The following CARD14 variants were observed in gnomAD, a reference collection of about 807,000 sequenced individuals.
CARD14 encodes caspase recruitment domain-containing protein 14.
Under a neutral mutation model 111.5 loss-of-function variants are expected in CARD14, and 107 were observed. The ratio of observed to expected loss-of-function variants is 0.96; its 90% CI spans 0.82 to 1.13. The LOEUF is 1.13. CARD14 is among the 50% of genes most tolerant of loss of function. The probability of loss-of-function intolerance (pLI) is 0.00; values close to 1 mark genes in which losing one functional copy is unlikely to be tolerated. For synonymous variants in CARD14, 617 were observed against 579.6 expected (o/e 1.06, Z -0.93); for missense variants, 1,322 against 1,362.3 (o/e 0.97, Z 0.47).
chr17:80,183,441 T>C (rs1271775326), intron 6 of CARD14, among the ~76,000 whole-genome samples: 1 of 152,216 alleles, frequency 6.6e-6, no homozygotes, highest in East Asian at 1.9e-4. Flanking sequence ...TATCTTTTTC[T>C]CAGGATAACG....
chr17:80,198,644 C>T lies in CARD14; in HGVS notation c.1851+53C>T. ...CCCGGGCTCCTCATGGGGACAGTGG[C>T]AGCGGGTGGGGTGACCCAGGCAGAC... is the stretch of plus-strand genomic sequence containing the variant. On this transcript the variant is annotated intron_variant, in intron 16 of 23. Coordinates refer to ENST00000648509, the MANE Select transcript of CARD14 (RefSeq NM_001366385.1). This position sits in a 1 kb window ranked among gnomAD's most constrained non-coding sequence, Gnocchi z 7.5. 3 of 1,609,274 alleles carry T rather than the reference C, an allele frequency of 1.9e-6. No homozygotes were observed. In the Middle Eastern group the frequency reaches 5.0e-4, roughly 266 times the overall value.
At chr17:80,174,316 G>C (rs919372280) in intron 2 of CARD14, among the ~76,000 whole-genome samples, 1 of 152,144 alleles carries the variant, frequency 6.6e-6, no homozygotes, top group Non-Finnish European at 1.5e-5. Context: ...GGGTTTAAGC[G>C]ATTCTCCTGC....
chr17:80,197,702 T>C (rs1054268276), intron 14 of CARD14, among the ~76,000 whole-genome samples: 1 of 152,226 alleles, frequency 6.6e-6, no homozygotes, highest in African/African-American at 2.4e-5. Flanking sequence ...AGATATTTTT[T>C]CAAGTGAAGC....
intron 10 of CARD14, 107 bp downstream of exon 10, chr17:80,191,006 C>A: frequency 6.8e-7 from 1 of 1,463,766 alleles, no homozygotes; most frequent in Non-Finnish European, 9.2e-7. Flanking sequence ...GCAGCTGGTC[C>A]CAGATTTCAG....
Position 80,205,132 on chromosome 17 carries a change from C to A in CARD14, c.2496C>A (p.Leu832=). ...HRPARPRPVL[L]VPRAVGKILS... is the part of the protein sequence containing the mutation. ...CCGCCCGGCCCCGGCCTGTGCTCCTCGTGCCCAGGGCGGTTGGGAAGATCC... is the reference window on the plus strand; with the variant it reads ...CCGCCCGGCCCCGGCCTGTGCTCCTAGTGCCCAGGGCGGTTGGGAAGATCC... The change falls in exon 21 of 24, where the codon CTC becomes CTA. Residue 832 remains leucine (L), a synonymous_variant. Coordinates refer to ENST00000648509, the MANE Select transcript of CARD14 (RefSeq NM_001366385.1). The A allele has an allele frequency of 6.2e-7, 1 of 1,613,758 alleles. No homozygotes were observed. The highest frequency in any genetic ancestry group is 2.2e-5 in the East Asian group (1 of 44,874).
Position 80,189,948 on chromosome 17 carries a change from C to T in CARD14, c.963+76C>T. On this transcript the variant is annotated intron_variant, in intron 9 of 23. Coordinates refer to ENST00000648509, the MANE Select transcript of CARD14 (RefSeq NM_001366385.1). This position sits in a 1 kb window ranked among gnomAD's most constrained non-coding sequence, Gnocchi z 4.7. ...GGGTGCGGACAGGTCTGTGGGGAAG[C>T]CAGATTCCTTCATCCACGCCGAGCT... The T allele has an allele frequency of 6.6e-7, 1 of 1,514,134 alleles. No homozygotes were observed. The highest frequency in any genetic ancestry group is 2.5e-5 in the Admixed American group (1 of 39,228). 93.8% of individuals were successfully genotyped at this position (1,514,134 alleles called of 1,614,324 possible).
intron 7 of CARD14, 116 bp downstream of exon 7, chr17:80,184,354 C>A: frequency 1.1e-6 from 1 of 936,790 alleles, no homozygotes; most frequent in Non-Finnish European, 1.5e-6. Flanking sequence ...TAACACTTCC[C>A]TGCCCCGAGA....
At chr17:80,192,468 C>A (rs748097162) in intron 11 of CARD14, 35 bp from the exon 12 acceptor site, 1 of 1,566,668 alleles carries the variant, frequency 6.4e-7, no homozygotes, top group African/African-American at 1.4e-5. Flanking sequence ...GAACCTTTCC[C>A]GAATTAACCA....
At position 80,181,453 on chromosome 17, in the gene CARD14, C is replaced by T. The variant is rs1238447394; in HGVS notation, c.15C>T (p.Cys5=). Residue 5 remains cysteine (C), a synonymous_variant, in exon 5 of 24, where the codon TGC becomes TGT. Coordinates refer to ENST00000648509, the MANE Select transcript of CARD14 (RefSeq NM_001366385.1). Reference sequence around the variant, plus strand: ...AGCGCCCAGCCATGGGGGAACTGTGCCGCAGGGACTCCGCACTCACGGCAC... The same window carrying T: ...AGCGCCCAGCCATGGGGGAACTGTGTCGCAGGGACTCCGCACTCACGGCAC... MGEL[C]RRDSALTALD... 4 of 1,572,256 alleles carry T rather than the reference C, an allele frequency of 2.5e-6. No individual in the cohort carries two copies. The highest frequency in any genetic ancestry group is 2.6e-6 in the Non-Finnish European group (3 of 1,158,898).
At chr17:80,185,518 A>G (rs558246519) in intron 7 of CARD14, among the ~76,000 whole-genome samples, 3 of 152,198 alleles carry the variant, frequency 2.0e-5, no homozygotes, top group South Asian at 2.1e-4. Context: ...GTGGCCCTTT[A>G]TGTCTACTTC....
Position 80,208,277 on chromosome 17 carries a change from A to G in CARD14, c.2947A>G (p.Ser983Gly), listed in dbSNP as rs2041462765. Reference sequence around the variant, plus strand: ...CTGGAGCGACCTGGACGGCCTGCTCAGCTGTGTCCGCCAGGCCATCGCCGA... The same window carrying G: ...CTGGAGCGACCTGGACGGCCTGCTCGGCTGTGTCCGCCAGGCCATCGCCGA... ...DGWSDLDGLL[S>G]CVRQAIADEQ... The change falls in exon 24 of 24, where the codon AGC (serine) becomes GGC (glycine). Residue 983 changes from serine to glycine, a missense_variant. Coordinates refer to ENST00000648509, the MANE Select transcript of CARD14 (RefSeq NM_001366385.1). The G allele has an allele frequency of 6.3e-7, 1 of 1,598,856 alleles. No homozygotes were observed. The highest frequency in any genetic ancestry group is 1.3e-5 in the African/African-American group (1 of 75,002).
chr17:80,198,488 T>C lies in CARD14; in HGVS notation c.1748T>C (p.Ile583Thr). The part of the protein sequence containing the change: ...AFQGDALLEQ[I>T]SVIGGNLTGI... ...CAGGGGGATGCATTGCTGGAGCAGA[T>C]CAGCGTCATCGGCGGGAACCTCACG... Residue 583 changes from isoleucine (I) to threonine (T), a missense_variant, in exon 16 of 24, where the codon ATC (isoleucine) becomes ACC (threonine). Transcript: ENST00000648509. The surrounding 1 kb of genome is among the most constrained non-coding windows in gnomAD (Gnocchi z 7.5). 6.2e-7 allele frequency: 1 copy of C among 1,613,606 alleles called. No individual in the cohort carries two copies.
chr17:80,185,654 C>T (rs1369900762), intron 7 of CARD14, among the ~76,000 whole-genome samples: 2 of 152,168 alleles, frequency 1.3e-5, no homozygotes, highest in African/African-American at 4.8e-5. Flanking sequence ...CCAGTGACTC[C>T]TTCACAGCCT....
At chr17:80,184,266 G>C in intron 7 of CARD14, 28 bp downstream of exon 7, 1 of 1,466,786 alleles carries the variant, frequency 6.8e-7, no homozygotes, top group South Asian at 1.4e-5. Context: ...ACCCCGGCGC[G>C]ACCCTGCTGT....
At chr17:80,171,414 G>A (rs950965950) in intron 1 of CARD14, among the ~76,000 whole-genome samples, 1 of 149,862 alleles carries the variant, frequency 6.7e-6, no homozygotes, top group Admixed American at 6.7e-5. Context: ...GAACTCTTGA[G>A]CTCAAGCAAT....
intron 1 of CARD14, 130 bp downstream of exon 1, chr17:80,170,186 C>A (rs1022028879): frequency 2.6e-5 from 4 of 152,214 alleles, no homozygotes; most frequent in South Asian, 2.1e-4. Flanking sequence ...GGGCCGGCAT[C>A]TTCCTCATCA....
At chr17:80,180,470 C>G (rs1291683672) in intron 4 of CARD14, among the ~76,000 whole-genome samples, 6 of 152,232 alleles carry the variant, frequency 3.9e-5, no homozygotes, top group Non-Finnish European at 7.3e-5. Flanking sequence ...AGTGTCACTC[C>G]CCAGCACATT....
In CARD14 at chr17:80,193,858, C is replaced by T. The variant is rs567087647; in HGVS notation, c.1356+1239C>T. On this transcript the variant is annotated intron_variant, in intron 12 of 23. Coordinates refer to ENST00000648509, the MANE Select transcript of CARD14 (RefSeq NM_001366385.1). ...TCGACTCTCGCATCTGCCTTAACGC[C>T]CTCTGTGCCCCCATTCCCCACAGGA... Among the ~76,000 whole-genome samples the T allele has an allele frequency of 8.5e-5, 13 of 152,270 alleles. No individual in the cohort carries two copies. The South Asian group carries it at 2.3e-3, about 27-fold the overall frequency.
At chr17:80,172,154 G>A (rs901459846) in intron 1 of CARD14, among the ~76,000 whole-genome samples, 4 of 152,230 alleles carry the variant, frequency 2.6e-5, no homozygotes, top group African/African-American at 9.6e-5. Flanking sequence ...GTAAGCCCTA[G>A]TTTTTCAGTC....
Sources: allele counts gnomAD v4.1 joint callset (sites outside exome capture counted in the v4.1 genomes callset), GRCh38; gene constraint gnomAD v4.1.1; non-coding constraint Gnocchi (gnomAD v3.1); transcripts MANE v1.5; gene names NCBI Gene and HGNC (gene_info 2026-07-23, HGNC 2026-07-21).